Variants in ARNT observed in about 807,000 individuals in gnomAD.
ARNT encodes the protein aryl hydrocarbon receptor nuclear translocator, also known as class E basic helix-loop-helix protein 2.
A neutral mutation model predicts 105.0 loss-of-function variants in ARNT; 30 were observed. That is an observed-to-expected ratio of 0.29 (90% CI 0.21 to 0.39). The LOEUF (loss-of-function observed/expected upper bound fraction) is 0.39. Ranked by LOEUF, ARNT falls within the 10% of genes least tolerant of loss-of-function variation. ARNT has a pLI of 1.00. For missense variants in ARNT, 748 were observed against 978.7 expected, an observed-to-expected ratio of 0.76 and a Z score of 3.15; for synonymous variants, 304 against 344.0, an observed-to-expected ratio of 0.88 and a Z score of 1.29.
At position 150,841,316 on chromosome 1, in the gene ARNT, C is replaced by CA. The variant is rs796670197; in HGVS notation, c.272+1107dup. On this transcript the variant is annotated intron_variant, in intron 5 of 21. Transcript: ENST00000358595. ...TCTACTTGAACAAAAGTTCTTTGTCCAAAAAAAAAAGAAAGTAAGAAAATT... is the reference window on the plus strand; with the variant it reads ...TCTACTTGAACAAAAGTTCTTTGTCCAAAAAAAAAAAGAAAGTAAGAAAATT... 6.5e-3 allele frequency among the ~76,000 whole-genome samples: 934 copies of CA among 143,804 alleles called. 7 individuals are homozygous for CA. Among genetic ancestry groups the CA allele is most frequent in the African/African-American group, 0.016 (643 of 39,214 alleles). The allele number at this position is 143,804 out of a possible 152,430, so 94.3% of individuals were successfully genotyped here.
At chr1:150,873,267 C>T (rs1341229324) in intron 1 of ARNT, among the ~76,000 whole-genome samples, 4 of 150,046 alleles carry the variant, frequency 2.7e-5, no homozygotes, top group East Asian at 2.0e-4. Flanking sequence ...CCAGCCTGGG[C>T]GACAGAGTGA....
Position 150,832,477 on chromosome 1 carries a change from A to G in ARNT, c.804-78T>C, listed in dbSNP as rs1557884540. 2.7e-5 allele frequency: 36 copies of G among 1,313,334 alleles called. No individual in the cohort carries two copies. In the South Asian group the frequency reaches 4.3e-4, roughly 16 times the overall value. 81.4% of individuals were successfully genotyped at this position (1,313,334 alleles called of 1,614,324 possible). A position where few individuals can be genotyped will look rare whatever the true frequency, so the allele number is the denominator to read the frequency against. ...CTTTCCACAGTAATAGCAGAATAAC[A>G]TGCTCTGGATACAACCAGACATAGA... On this transcript the variant is annotated intron_variant, in intron 8 of 21. Transcript: ENST00000358595.
At chr1:150,844,625 A>G (rs1389407555) in intron 4 of ARNT, among the ~76,000 whole-genome samples, 1 of 152,248 alleles carries the variant, frequency 6.6e-6, no homozygotes, top group Non-Finnish European at 1.5e-5. Context: ...TGAGGTAGCT[A>G]CAAACTTAAT....
At position 150,823,319 on chromosome 1, in the gene ARNT, C is replaced by T. The variant is rs370171757; in HGVS notation, c.1269G>A (p.Leu423=). 50 of 1,610,012 alleles carry T rather than the reference C, an allele frequency of 3.1e-5. No individual in the cohort carries two copies. The African/African-American group carries it at 5.2e-4, about 17-fold the overall frequency. The change falls in exon 14 of 22, where the codon CTG becomes CTA. Residue 423 remains leucine (L), a synonymous_variant. Transcript: ENST00000358595. The part of the protein sequence containing the change: ...QQVVKLKGQV[L]SVMFRFRSKN... ...TAGACCGGAACCGGAACATGACAGA[C>T]AGCACTTGGCCTTTTAATTTCACTA...
intron 13 of ARNT, among the ~76,000 whole-genome samples, chr1:150,823,989 C>G (rs968056542): frequency 6.7e-6 from 1 of 150,156 alleles, no homozygotes; most frequent in Non-Finnish European, 1.5e-5. Context: ...ATTATAGGCA[C>G]GTGCCACCAC....
intron 14 of ARNT, among the ~76,000 whole-genome samples, chr1:150,818,681 G>A (rs1656440967): frequency 6.6e-6 from 1 of 152,118 alleles, no homozygotes; most frequent in Admixed American, 6.5e-5. Flanking sequence ...CCTGGGAGGC[G>A]GAGGTTGCAG....
chr1:150,813,362 A>C (rs751366135), intron 20 of ARNT, 24 bp from the exon 21 acceptor site: 2 of 1,575,896 alleles, frequency 1.3e-6, no homozygotes, highest in Non-Finnish European at 1.7e-6. Flanking sequence ...AAGGAAGAAT[A>C]AACAACTCCA....
At chr1:150,852,555 G>T (rs1432841781) in intron 3 of ARNT, among the ~76,000 whole-genome samples, 1 of 152,160 alleles carries the variant, frequency 6.6e-6, no homozygotes, top group Non-Finnish European at 1.5e-5. Flanking sequence ...CAGAGGGTTT[G>T]TAAATGCCGT....
intron 1 of ARNT, among the ~76,000 whole-genome samples, chr1:150,865,787 T>C (rs1325976258): frequency 6.6e-6 from 1 of 152,178 alleles, no homozygotes; most frequent in Non-Finnish European, 1.5e-5. Context: ...TTTCCTATAT[T>C]TCGTATCTCC....
rs2101955181 is a variant in ARNT at position 150,839,761 on chromosome 1, A to G, written c.273-107T>C. The G allele has an allele frequency of 6.0e-6, 7 of 1,161,858 alleles. No individual in the cohort carries two copies. In the South Asian group the frequency reaches 1.0e-4, roughly 17 times the overall value. 72.0% of individuals were successfully genotyped at this position (1,161,858 alleles called of 1,614,324 possible). On this transcript the variant is annotated intron_variant, in intron 5 of 21. Transcript: ENST00000358595. ...TGTGCTGCTGAAGAATGTGGTATTCAGATTTAGTGATGCTTAAGTCTCAGC... is the reference window on the plus strand; with the variant it reads ...TGTGCTGCTGAAGAATGTGGTATTCGGATTTAGTGATGCTTAAGTCTCAGC...
intron 4 of ARNT, among the ~76,000 whole-genome samples, chr1:150,844,984 A>G (rs1459669990): frequency 6.6e-6 from 1 of 151,894 alleles, no homozygotes; most frequent in Non-Finnish European, 1.5e-5. Context: ...TAATTTTTAT[A>G]TTTTTAGTAG....
intron 12 of ARNT, 33 bp from the exon 13 acceptor site, chr1:150,826,650 T>G (rs773535220): frequency 1.7e-6 from 1 of 581,490 alleles, no homozygotes; most frequent in South Asian, 3.6e-5. Flanking sequence ...AGATATATAC[T>G]TTTTTTTTTT....
intron 4 of ARNT, among the ~76,000 whole-genome samples, chr1:150,844,677 A>C (rs1289177040): frequency 1.3e-5 from 2 of 152,220 alleles, no homozygotes; most frequent in African/African-American, 4.8e-5. Context: ...TTTAATAAAA[A>C]CTTTCTAAAA....
At chr1:150,815,063 T>C (rs759150051) in intron 19 of ARNT, among the ~76,000 whole-genome samples, 2 of 152,276 alleles carry the variant, frequency 1.3e-5, no homozygotes, top group South Asian at 4.1e-4. Context: ...TTGGATAATT[T>C]CTTCCAGTTT....
At chr1:150,858,224 T>A (rs1376331363) in intron 2 of ARNT, 125 bp downstream of exon 2, 1 of 676,510 alleles carries the variant, frequency 1.5e-6, no homozygotes, top group East Asian at 2.7e-5. Flanking sequence ...GACAGTAGTG[T>A]AGTAAGTAAT....
chr1:150,846,109 T>C (rs754937611), intron 4 of ARNT, among the ~76,000 whole-genome samples, 154 bp downstream of exon 4: 1 of 152,184 alleles, frequency 6.6e-6, no homozygotes, highest in Non-Finnish European at 1.5e-5. Context: ...ATGATAGTTA[T>C]AATACTAAGT....
At chr1:150,818,058 G>C in intron 14 of ARNT, 28 bp from the exon 15 acceptor site, 1 of 1,532,084 alleles carries the variant, frequency 6.5e-7, no homozygotes, top group Non-Finnish European at 9.0e-7. Flanking sequence ...ACAGTAAAGA[G>C]GGGGTGGAGA....
At position 150,836,275 on chromosome 1, in the gene ARNT, C is replaced by T. The variant is rs1336050370; in HGVS notation, c.700+5G>A. On this transcript the variant is annotated splice_donor_5th_base_variant and intron_variant, in intron 7 of 21. Coordinates refer to ENST00000358595, the MANE Select transcript of ARNT (RefSeq NM_001668.4). ...TCATTCATTTCCCATACACATAACT[C>T]TCACCTGTCAGGGCATTTTCTGAAG... The T allele has an allele frequency of 4.3e-6, 7 of 1,613,728 alleles. No individual in the cohort carries two copies. Among genetic ancestry groups the T allele is most frequent in the African/African-American group, 2.7e-5 (2 of 74,916 alleles).
chr1:150,832,652 A>C (rs1342811189), intron 8 of ARNT, among the ~76,000 whole-genome samples: 1 of 152,234 alleles, frequency 6.6e-6, no homozygotes, highest in Non-Finnish European at 1.5e-5. Flanking sequence ...TCTGTAAAGG[A>C]CCAGATAGTA....
Sources: allele counts gnomAD v4.1 joint callset (sites outside exome capture counted in the v4.1 genomes callset), GRCh38; gene constraint gnomAD v4.1.1; transcripts MANE v1.5; gene names NCBI Gene and HGNC (gene_info 2026-07-23, HGNC 2026-07-21).